SMYD4: variants seen among roughly 807,000 people sequenced by gnomAD.
SMYD4 encodes the protein SET and MYND domain containing 4, also known as protein-lysine N-methyltransferase SMYD4.
A neutral mutation model predicts 72.8 loss-of-function variants in SMYD4; 68 were observed. The observed-to-expected ratio is 0.93, with a 90% confidence interval of 0.77 to 1.14. SMYD4 has a LOEUF of 1.14. Among genes scored for constraint, SMYD4 ranks in the 50% most tolerant of loss-of-function variants. The pLI, the probability that SMYD4 is intolerant of heterozygous loss-of-function variation, is 0.00. For synonymous variants in SMYD4, 407 were observed against 388.6 expected (o/e 1.05, Z -0.56); for missense variants, 984 against 1,003.7 (o/e 0.98, Z 0.27).
intron 2 of SMYD4, among the ~76,000 whole-genome samples, chr17:1,813,623 C>T (rs1282626628): frequency 6.6e-6 from 1 of 151,922 alleles, no homozygotes; most frequent in Non-Finnish European, 1.5e-5. Flanking sequence ...ATCATGTTGC[C>T]GAGGCCGGTC....
At chr17:1,824,051 T>C (rs1312014183) in intron 2 of SMYD4, among the ~76,000 whole-genome samples, 1 of 152,178 alleles carries the variant, frequency 6.6e-6, no homozygotes, top group Non-Finnish European at 1.5e-5. Context: ...GTTTCTAAAA[T>C]GACACTATAG....
intron 4 of SMYD4, among the ~76,000 whole-genome samples, chr17:1,801,408 T>A (rs1349308134): frequency 6.6e-6 from 1 of 151,646 alleles, no homozygotes; most frequent in Non-Finnish European, 1.5e-5. Context: ...CCAGCTATTT[T>A]TTTTTGTATT....
chr17:1,817,605 G>A (rs1910680516), intron 2 of SMYD4, among the ~76,000 whole-genome samples: 1 of 152,128 alleles, frequency 6.6e-6, no homozygotes, highest in African/African-American at 2.4e-5. Flanking sequence ...AAAGAGTGGT[G>A]GGATTACAGC....
Position 1,784,463 on chromosome 17 carries a change from T to C in SMYD4, c.1885-2A>G, listed in dbSNP as rs1908543334. 6.2e-7 allele frequency: 1 copy of C among 1,613,978 alleles called. No individual in the cohort carries two copies. The highest frequency in any genetic ancestry group is 8.5e-7 in the Non-Finnish European group (1 of 1,180,030). On this transcript the variant is annotated splice_acceptor_variant, in intron 7 of 10. Transcript: ENST00000305513. LOFTEE classifies it high-confidence loss of function. The stretch of plus-strand genomic sequence containing the variant: ...GCCACAGCGCAGCACGTCATCTCCC[T>C]GTGGAAGTCAGTTTTCTCTTTATTC...
At chr17:1,790,801 C>T (rs1000809726) in intron 5 of SMYD4, among the ~76,000 whole-genome samples, 3 of 151,860 alleles carry the variant, frequency 2.0e-5, no homozygotes, top group African/African-American at 7.3e-5. Context: ...CATGCCCATC[C>T]CTGGTGCATT....
chr17:1,781,567 G>C, intron 10 of SMYD4, 128 bp from the exon 11 acceptor site: 1 of 1,095,106 alleles, frequency 9.1e-7, no homozygotes, highest in Non-Finnish European at 1.3e-6. Flanking sequence ...ATCTAGAACA[G>C]TAAGTAAGAC....
At chr17:1,784,894 C>T (rs1444007408) in intron 7 of SMYD4, among the ~76,000 whole-genome samples, 3 of 151,646 alleles carry the variant, frequency 2.0e-5, no homozygotes, top group Admixed American at 6.6e-5. Context: ...CTCAGTCTCC[C>T]GAGTAGCTGG....
In SMYD4 at chr17:1,827,906, G is replaced by T; in HGVS notation, c.89C>A (p.Ala30Glu). ...PTSVQVTIST[A>E]ETLRDIFLHS... is the part of the protein sequence containing the mutation. ...AAGAAAGATATCCCTCAAGGTCTCTGCTGTAGAAATTGTGACCTGAACAGA... is the reference window on the plus strand; with the variant it reads ...AAGAAAGATATCCCTCAAGGTCTCTTCTGTAGAAATTGTGACCTGAACAGA... The change falls in exon 2 of 11, where the codon GCA becomes GAA. Residue 30 changes from alanine (A) to glutamate (E), a missense_variant. Physicochemically the swap from Ala to Glu is moderately radical, Grantham distance 107. Coordinates refer to ENST00000305513, the MANE Select transcript of SMYD4 (RefSeq NM_052928.3). 1 of 1,613,232 alleles carries T rather than the reference G, an allele frequency of 6.2e-7. No individual in the cohort carries two copies. Among genetic ancestry groups the T allele is most frequent in the Non-Finnish European group, 8.5e-7 (1 of 1,179,176 alleles).
intron 4 of SMYD4, among the ~76,000 whole-genome samples, chr17:1,801,404 A>AT (rs902130916): frequency 1.0e-4 from 15 of 149,328 alleles, no homozygotes; most frequent in East Asian, 2.0e-4. Context: ...ACACCCAGCT[A>AT]TTTTTTTTTG....
intron 2 of SMYD4, among the ~76,000 whole-genome samples, chr17:1,821,025 CAA>C (rs1910859829): frequency 2.0e-5 from 3 of 151,906 alleles, no homozygotes; most frequent in African/African-American, 7.3e-5. Context: ...ACATACAGAG[CAA>C]ACAAAAATGG....
At chr17:1,823,287 G>A (rs1323597949) in intron 2 of SMYD4, among the ~76,000 whole-genome samples, 8 of 149,958 alleles carry the variant, frequency 5.3e-5, no homozygotes, top group African/African-American at 2.0e-4. Context: ...CCAGCTACTC[G>A]AGAGGCTGAG....
chr17:1,781,576 A>G (rs1908366126), intron 10 of SMYD4, 137 bp from the exon 11 acceptor site: 1 of 991,452 alleles, frequency 1.0e-6, no homozygotes, highest in South Asian at 1.9e-5. Flanking sequence ...AGTAAGTAAG[A>G]CACTGTCACA....
At chr17:1,792,857 G>T (rs1324817536) in intron 5 of SMYD4, among the ~76,000 whole-genome samples, 2 of 152,038 alleles carry the variant, frequency 1.3e-5, no homozygotes, top group African/African-American at 4.8e-5. Context: ...GTGCTTTTTT[G>T]GGGGGAAATT....
chr17:1,799,874 G>A lies in SMYD4; in HGVS notation c.1520C>T (p.Thr507Ile). Reference sequence around the variant, plus strand: ...CCTCTTACCTGTGTGTTGTATGGTGGTCATCGCCTGAGCGTTACACTGAAG... The same window carrying A: ...CCTCTTACCTGTGTGTTGTATGGTGATCATCGCCTGAGCGTTACACTGAAG... ...LQLQCNAQAM[T>I]TIQHTGPKGS... The change falls in exon 5 of 11, where the codon ACC (threonine) becomes ATC (isoleucine). Residue 507 changes from threonine (T) to isoleucine (I), a missense_variant. Coordinates refer to ENST00000305513, the MANE Select transcript of SMYD4 (RefSeq NM_052928.3). 1 of 1,603,508 alleles carries A rather than the reference G, an allele frequency of 6.2e-7. No individual in the cohort carries two copies. The highest frequency in any genetic ancestry group is 8.5e-7 in the Non-Finnish European group (1 of 1,173,488).
At chr17:1,794,321 G>A (rs572688944) in intron 5 of SMYD4, among the ~76,000 whole-genome samples, 18 of 141,600 alleles carry the variant, frequency 1.3e-4, no homozygotes, top group Admixed American at 1.2e-3. Flanking sequence ...GGGTTTCACC[G>A]TGTTAGCCAG....
At chr17:1,787,077 G>T in intron 6 of SMYD4, 104 bp from the exon 7 acceptor site, 1 of 1,391,460 alleles carries the variant, frequency 7.2e-7, no homozygotes, top group Non-Finnish European at 9.8e-7. Context: ...CCTATCATGT[G>T]ACAGCTAACC....
In SMYD4 at chr17:1,781,076, C is replaced by T. The variant is rs1267854537; in HGVS notation, c.*210G>A. The stretch of plus-strand genomic sequence containing the variant: ...CTGGGATTACAGGTGCCCACCACCA[C>T]GCCTGGCTAGTTTTTTGTATTTTTA... On this transcript the variant is annotated 3_prime_UTR_variant, in exon 11 of 11. Transcript: ENST00000305513. The T allele has an allele frequency of 8.7e-6, 4 of 460,042 alleles. No homozygotes were observed. The highest frequency in any genetic ancestry group is 2.6e-5 in the South Asian group (1 of 38,438). The allele number at this position is 460,042 out of a possible 1,614,324, so 28.5% of individuals were successfully genotyped here. A position where few individuals can be genotyped will look rare whatever the true frequency, so the allele number is the denominator to read the frequency against.
At chr17:1,820,797 C>A (rs1910846125) in intron 2 of SMYD4, among the ~76,000 whole-genome samples, 1 of 152,150 alleles carries the variant, frequency 6.6e-6, no homozygotes, top group Non-Finnish European at 1.5e-5. Flanking sequence ...TGTGGGAAAA[C>A]ATTCCTCAAA....
chr17:1,819,002 G>A (rs771395940), intron 2 of SMYD4, among the ~76,000 whole-genome samples: 6 of 151,788 alleles, frequency 4.0e-5, no homozygotes, highest in South Asian at 2.1e-4. Flanking sequence ...CCAGAAAAAC[G>A]TTTCACATTC....
Sources: allele counts gnomAD v4.1 joint callset (sites outside exome capture counted in the v4.1 genomes callset), GRCh38; gene constraint gnomAD v4.1.1; transcripts MANE v1.5; gene names NCBI Gene and HGNC (gene_info 2026-07-23, HGNC 2026-07-21).